Variants in NTSR1 observed in about 807,000 individuals in gnomAD.
The protein encoded by NTSR1 is neurotensin receptor 1, also known as neurotensin receptor type 1.
In NTSR1, 29 loss-of-function variants were observed where a neutral mutation model predicts 31.2. The ratio of observed to expected loss-of-function variants is 0.93; its 90% confidence interval spans 0.69 to 1.27. NTSR1 has a LOEUF of 1.27. Ranked by LOEUF, NTSR1 falls within the 50% of genes most tolerant of loss-of-function variation. The probability of loss-of-function intolerance (pLI) is 0.00; values close to 1 mark genes in which losing one functional copy is unlikely to be tolerated. For synonymous variants in NTSR1, 282 were observed against 269.9 expected (o/e 1.04, Z -0.44); for missense variants, 697 against 595.4 (o/e 1.17, Z -1.78).
At chr20:62,721,909 T>C (rs1028320310) in intron 1 of NTSR1, among the ~76,000 whole-genome samples, 2 of 152,242 alleles carry the variant, frequency 1.3e-5, no homozygotes, top group Non-Finnish European at 2.9e-5. Context: ...CTGAGTGGAC[T>C]CTGAGTGCTC....
chr20:62,727,204 C>A (rs1988922914), intron 1 of NTSR1, among the ~76,000 whole-genome samples: 1 of 152,216 alleles, frequency 6.6e-6, no homozygotes, highest in South Asian at 2.1e-4. Flanking sequence ...GCACTGCCCC[C>A]ACCCTGAGCC....
At chr20:62,724,697 A>G (rs1988876707) in intron 1 of NTSR1, among the ~76,000 whole-genome samples, 1 of 152,202 alleles carries the variant, frequency 6.6e-6, no homozygotes, top group African/African-American at 2.4e-5. Flanking sequence ...TTGGGGCTGC[A>G]GAGGCTCAAA....
intron 1 of NTSR1, among the ~76,000 whole-genome samples, chr20:62,722,696 T>C (rs1212951074): frequency 6.6e-6 from 1 of 152,230 alleles, no homozygotes; most frequent in East Asian, 1.9e-4. Flanking sequence ...ATGGTGATGA[T>C]GGGCTCACCT....
chr20:62,757,489 C>T (rs1989530968), intron 2 of NTSR1, among the ~76,000 whole-genome samples: 1 of 152,204 alleles, frequency 6.6e-6, no homozygotes, highest in Non-Finnish European at 1.5e-5. Flanking sequence ...GTAAGACCTC[C>T]AACTTTATTT....
At chr20:62,757,204 T>C (rs1989527074) in intron 2 of NTSR1, among the ~76,000 whole-genome samples, 2 of 152,264 alleles carry the variant, frequency 1.3e-5, no homozygotes, top group African/African-American at 4.8e-5. Context: ...TTTATGGTTT[T>C]AGTTCTTATG....
At chr20:62,716,778 G>A (rs757927292) in intron 1 of NTSR1, among the ~76,000 whole-genome samples, 5 of 152,188 alleles carry the variant, frequency 3.3e-5, no homozygotes, top group African/African-American at 4.8e-5. Flanking sequence ...GCAGCCCCTC[G>A]CTCCCTGACC....
At chr20:62,751,460 G>A (rs931617825) in intron 1 of NTSR1, among the ~76,000 whole-genome samples, 4 of 152,234 alleles carry the variant, frequency 2.6e-5, no homozygotes, top group Admixed American at 6.5e-5. Flanking sequence ...AGCTGCAGGC[G>A]CAGCTTGACC....
chr20:62,746,442 TC>T (rs1353413662), intron 1 of NTSR1, among the ~76,000 whole-genome samples: 1 of 152,088 alleles, frequency 6.6e-6, no homozygotes. Context: ...CTCCCCAGGA[TC>T]CAAGACCTCT....
Position 62,760,398 on chromosome 20 carries a change from T to A in NTSR1, c.*131T>A, listed in dbSNP as rs1989598228. ...CCAGCCTGCACTGGAGTCTGAGGCC[T>A]GGGACCCCCCCCTCCCACCCCCTAA... is the stretch of plus-strand genomic sequence containing the variant. On this transcript the variant is annotated 3_prime_UTR_variant, in exon 4 of 4. Coordinates refer to ENST00000370501, the MANE Select transcript of NTSR1 (RefSeq NM_002531.3). 5.0e-6 allele frequency: 5 copies of A among 998,414 alleles called. No individual in the cohort carries two copies. In the South Asian group the frequency reaches 8.6e-5, roughly 17 times the overall value. The allele number at this position is 998,414 out of a possible 1,614,324, so 61.8% of individuals were successfully genotyped here.
intron 1 of NTSR1, among the ~76,000 whole-genome samples, chr20:62,718,090 CT>C (rs944740712): frequency 6.6e-6 from 1 of 152,148 alleles, no homozygotes; most frequent in Non-Finnish European, 1.5e-5. Context: ...CAGCGCTGGC[CT>C]GGCGGGGTGG....
Position 62,715,341 on chromosome 20 carries a change from G to A in NTSR1, c.714+5420G>A, listed in dbSNP as rs140471110. On this transcript the variant is annotated intron_variant, in intron 1 of 3. Coordinates refer to ENST00000370501, the MANE Select transcript of NTSR1 (RefSeq NM_002531.3). This position sits in a 1 kb window ranked among gnomAD's most constrained non-coding sequence, Gnocchi z 4.7. Reference sequence around the variant, plus strand: ...ACATGCGGGTCCACCTCTGTACCCCGTAACCCCGTTTCCCAGATGAAGCAG... The same window carrying A: ...ACATGCGGGTCCACCTCTGTACCCCATAACCCCGTTTCCCAGATGAAGCAG... Among the ~76,000 whole-genome samples, 5 of 152,254 alleles carry A rather than the reference G, an allele frequency of 3.3e-5. No individual in the cohort carries two copies. Among genetic ancestry groups the A allele is most frequent in the African/African-American group, 9.6e-5 (4 of 41,536 alleles).
intron 1 of NTSR1, among the ~76,000 whole-genome samples, chr20:62,752,496 G>A (rs1292339208): frequency 6.6e-6 from 1 of 152,164 alleles, no homozygotes; most frequent in African/African-American, 2.4e-5. Context: ...GCAAGGCCCC[G>A]CCTCTGTCCC....
rs185748917 is a variant in NTSR1 at position 62,726,364 on chromosome 20, T to C, written c.714+16443T>C. On this transcript the variant is annotated intron_variant, in intron 1 of 3. Transcript: ENST00000370501. ...CTATTTGTCCATAAATAAAACCTGT[T>C]TTCATTTCTCCTGCCCTCAAGAAAC... 2.0e-5 allele frequency among the ~76,000 whole-genome samples: 3 copies of C among 152,274 alleles called. No individual in the cohort carries two copies. In the East Asian group the frequency reaches 5.8e-4, roughly 29 times the overall value.
intron 3 of NTSR1, among the ~76,000 whole-genome samples, chr20:62,759,591 G>A (rs901799262): frequency 7.2e-5 from 11 of 152,056 alleles, no homozygotes; most frequent in African/African-American, 2.2e-4. Context: ...TGGCTAACAC[G>A]GTGAAACCCC....
At position 62,732,389 on chromosome 20, in the gene NTSR1, T is replaced by C. The variant is rs1600725467; in HGVS notation, c.715-22296T>C. Among the ~76,000 whole-genome samples, 1 of 152,212 alleles carries C rather than the reference T, an allele frequency of 6.6e-6. No individual in the cohort carries two copies. Among genetic ancestry groups the C allele is most frequent in the East Asian group, 1.9e-4 (1 of 5,202 alleles). ...GCTTGTGAAAGGTTTTTCTCACAGA[T>C]GGGTGTTGGGTTTTGGAAAATAGTT... On this transcript the variant is annotated intron_variant, in intron 1 of 3. Coordinates refer to ENST00000370501, the MANE Select transcript of NTSR1 (RefSeq NM_002531.3). This position sits in a 1 kb window ranked among gnomAD's most constrained non-coding sequence, Gnocchi z 4.0.
intron 1 of NTSR1, among the ~76,000 whole-genome samples, chr20:62,718,418 C>T (rs148969896): frequency 1.3e-5 from 2 of 152,210 alleles, no homozygotes; most frequent in African/African-American, 4.8e-5. Flanking sequence ...CTTCATTTTT[C>T]GACTGACAGG....
rs570427806 is a variant in NTSR1, at chr20:62,711,323, C to T, written c.714+1402C>T. Among the ~76,000 whole-genome samples the T allele has an allele frequency of 5.3e-5, 8 of 152,176 alleles. No homozygotes were observed. Among genetic ancestry groups the T allele is most frequent in the Non-Finnish European group, 8.8e-5 (6 of 68,008 alleles). ...CCCTCACCAGAGGCAGAAGTAGGCA[C>T]GGCCTGTGGGGTAAACACAGTGAGA... On this transcript the variant is annotated intron_variant, in intron 1 of 3. Coordinates refer to ENST00000370501, the MANE Select transcript of NTSR1 (RefSeq NM_002531.3). The surrounding 1 kb of genome is among the most constrained non-coding windows in gnomAD (Gnocchi z 6.4).
At chr20:62,725,159 G>C (rs1372053237) in intron 1 of NTSR1, among the ~76,000 whole-genome samples, 3 of 152,244 alleles carry the variant, frequency 2.0e-5, no homozygotes, top group Non-Finnish European at 4.4e-5. Context: ...CTGGTGGAAA[G>C]CAAGCACCAG....
At chr20:62,734,958 C>T (rs1989063029) in intron 1 of NTSR1, among the ~76,000 whole-genome samples, 2 of 152,328 alleles carry the variant, frequency 1.3e-5, no homozygotes, top group Middle Eastern at 3.4e-3. Flanking sequence ...AAGCAGCCCT[C>T]GGGTGGCTTT....
Sources: allele counts gnomAD v4.1 joint callset (sites outside exome capture counted in the v4.1 genomes callset), GRCh38; gene constraint gnomAD v4.1.1; non-coding constraint Gnocchi (gnomAD v3.1); transcripts MANE v1.5; gene names NCBI Gene and HGNC (gene_info 2026-07-23, HGNC 2026-07-21).